The following SWAP70 variants were observed in gnomAD, a reference collection of about 807,000 sequenced individuals.
SWAP70 encodes switching B cell complex subunit SWAP70, also known as switch-associated protein 70.
In SWAP70, 34 loss-of-function variants were observed where a neutral mutation model predicts 80.2. That is an observed-to-expected ratio of 0.42 (90% CI 0.32 to 0.56). The LOEUF is 0.56. SWAP70 is among the 20% of genes least tolerant of loss of function. The pLI, the probability that SWAP70 is intolerant of heterozygous loss-of-function variation, is 0.09. For synonymous variants in SWAP70, 239 were observed against 238.5 expected (o/e 1.00, Z -0.02); for missense variants, 578 against 690.7 (o/e 0.84, Z 1.83).
intron 9 of SWAP70, among the ~76,000 whole-genome samples, chr11:9,742,189 C>A (rs2133817236): frequency 1.3e-5 from 2 of 152,196 alleles, no homozygotes; most frequent in Admixed American, 1.3e-4. Flanking sequence ...CTTCTACATA[C>A]AGCTCTGATC....
intron 2 of SWAP70, among the ~76,000 whole-genome samples, chr11:9,700,682 A>G (rs934330131): frequency 6.6e-6 from 1 of 152,202 alleles, no homozygotes; most frequent in Non-Finnish European, 1.5e-5. Flanking sequence ...TGTTTCTTTA[A>G]CTGTACTATT....
intron 1 of SWAP70, among the ~76,000 whole-genome samples, chr11:9,667,714 C>T (rs1850326275): frequency 6.6e-6 from 1 of 151,438 alleles, no homozygotes; most frequent in East Asian, 1.9e-4. Context: ...AGGCACAGGC[C>T]ACTATGCCCA....
chr11:9,723,701 GGT>G (rs1216221115), intron 3 of SWAP70, among the ~76,000 whole-genome samples: 1 of 151,844 alleles, frequency 6.6e-6, no homozygotes, highest in Non-Finnish European at 1.5e-5. Context: ...GAAAATAAGA[GGT>G]ATCAATTCTC....
chr11:9,681,005 G>T, intron 1 of SWAP70: 1 of 159,152 alleles, frequency 6.3e-6, no homozygotes. Context: ...TGGCTAGGTG[G>T]TTGTCCCCTT....
chr11:9,684,171 T>G (rs1275266846), intron 1 of SWAP70, among the ~76,000 whole-genome samples: 1 of 152,122 alleles, frequency 6.6e-6, no homozygotes, highest in Non-Finnish European at 1.5e-5. Flanking sequence ...AACCTTGAAC[T>G]CCTAGGCTCA....
chr11:9,713,782 A>G, intron 3 of SWAP70, 143 bp downstream of exon 3: 5 of 955,662 alleles, frequency 5.2e-6, no homozygotes, highest in Non-Finnish European at 7.8e-6. Flanking sequence ...CAGCCTGAGT[A>G]TAGAAAAGCT....
intron 4 of SWAP70, among the ~76,000 whole-genome samples, chr11:9,725,615 A>ATT (rs1339772802): frequency 7.4e-6 from 1 of 134,394 alleles, no homozygotes; most frequent in Non-Finnish European, 1.5e-5. Flanking sequence ...CGCTGTCACC[A>ATT]GGCTGGAGTG....
At chr11:9,685,302 C>T (rs1394808724) in intron 1 of SWAP70, among the ~76,000 whole-genome samples, 4 of 152,052 alleles carry the variant, frequency 2.6e-5, no homozygotes, top group African/African-American at 9.7e-5. Context: ...TTTTCATTTT[C>T]TAATTTTACT....
In SWAP70 at chr11:9,664,097, G is replaced by A. The variant is rs1455980516; in HGVS notation, c.-83G>A. 3.7e-5 allele frequency: 50 copies of A among 1,346,130 alleles called. No homozygotes were observed. In the South Asian group the frequency reaches 6.5e-4, roughly 17 times the overall value. 83.4% of individuals were successfully genotyped at this position (1,346,130 alleles called of 1,614,324 possible). On this transcript the variant is annotated 5_prime_UTR_variant, in exon 1 of 12. In the 5' UTR this introduces an upstream ATG that the reference lacks. Coordinates refer to ENST00000318950, the MANE Select transcript of SWAP70 (RefSeq NM_015055.4). ...GGGTCAGGTGACTGCGCGGCGGGCT[G>A]TGGCTGCGGAGGTTGAGGGGCGTCC...
At chr11:9,696,891 A>G (rs183190071) in intron 2 of SWAP70, among the ~76,000 whole-genome samples, 2 of 152,232 alleles carry the variant, frequency 1.3e-5, no homozygotes, top group Non-Finnish European at 2.9e-5. Flanking sequence ...TCAAAAAATG[A>G]TAATGATAAT....
chr11:9,679,271 T>G (rs1341792329), intron 1 of SWAP70, among the ~76,000 whole-genome samples: 1 of 152,218 alleles, frequency 6.6e-6, no homozygotes, highest in Non-Finnish European at 1.5e-5. Context: ...GTGGGCATGG[T>G]GTATCAGCCA....
In SWAP70 at chr11:9,728,053, G is replaced by T; in HGVS notation, c.643G>T (p.Gly215Cys). 1 of 1,601,082 alleles carries T rather than the reference G, an allele frequency of 6.2e-7. No homozygotes were observed. Among genetic ancestry groups the T allele is most frequent in the Non-Finnish European group, 8.5e-7 (1 of 1,175,158 alleles). The change falls in exon 5 of 12, where the codon GGT becomes TGT. Residue 215 changes from glycine to cysteine, a missense_variant and splice_region_variant. Physicochemically the swap from Gly to Cys is radical, Grantham distance 159. Coordinates refer to ENST00000318950, the MANE Select transcript of SWAP70 (RefSeq NM_015055.4). ...NELILDVLKQGYMMKKGHRRK... is the reference protein window; with the variant it reads ...NELILDVLKQCYMMKKGHRRK... ...TTATATCACATTTAATCTTTCACAG[G>T]GTTACATGATGAAAAAGGGCCACAG...
chr11:9,698,664 T>C (rs2572949), intron 2 of SWAP70, among the ~76,000 whole-genome samples: 19,823 of 152,222 alleles, frequency 0.13, 2,757 homozygotes, highest in African/African-American at 0.35. Flanking sequence ...CTCAGCATCC[T>C]AAAGTGTTGG....
chr11:9,683,785 G>A (rs1850597320), intron 1 of SWAP70, among the ~76,000 whole-genome samples: 1 of 152,208 alleles, frequency 6.6e-6, no homozygotes, highest in Admixed American at 6.5e-5. Context: ...GTAGCTGGAG[G>A]CTATCAGCTT....
chr11:9,694,154 C>A lies in SWAP70; in HGVS notation c.108C>A (p.Ser36=), dbSNP rs758450290. The change falls in exon 2 of 12, where the codon TCC becomes TCA. Residue 36 remains serine (S), a synonymous_variant. Transcript: ENST00000318950. ...TTTCTTTTCCCTTGCAGGTCCTTTC[C>A]CATAACCTGTGCACGGTGCTGAAGG... ...KVSKSQLKVL[S]HNLCTVLKVP... The A allele has an allele frequency of 2.4e-5, 39 of 1,601,096 alleles. No homozygotes were observed. The highest frequency in any genetic ancestry group is 3.0e-5 in the Non-Finnish European group (35 of 1,174,794).
intron 2 of SWAP70, among the ~76,000 whole-genome samples, chr11:9,695,984 C>T (rs188654216): frequency 7.9e-5 from 12 of 151,748 alleles, no homozygotes; most frequent in African/African-American, 2.4e-4. Flanking sequence ...TTTGTAGAGA[C>T]GGGGCTTTGC....
rs577372757 is a variant in SWAP70, at chr11:9,749,395, C to T, written c.1651+212C>T. ...CCAAGTAGCTGGGACTACAGGTGCCCGCCACCACGACCGGCTAATTTTTTG... is the reference window on the plus strand; with the variant it reads ...CCAAGTAGCTGGGACTACAGGTGCCTGCCACCACGACCGGCTAATTTTTTG... On this transcript the variant is annotated intron_variant, in intron 11 of 11. Transcript: ENST00000318950. Among the ~76,000 whole-genome samples, 15 of 152,134 alleles carry T rather than the reference C, an allele frequency of 9.9e-5. No individual in the cohort carries two copies. In the East Asian group the frequency reaches 1.2e-3, roughly 12 times the overall value.
intron 1 of SWAP70, among the ~76,000 whole-genome samples, chr11:9,686,085 A>AT (rs1319058747): frequency 6.6e-6 from 1 of 151,784 alleles, no homozygotes; most frequent in Non-Finnish European, 1.5e-5. Flanking sequence ...TAAAAGCTTC[A>AT]TTTTCTGATT....
At chr11:9,682,741 A>G (rs1368826089) in intron 1 of SWAP70, among the ~76,000 whole-genome samples, 2 of 152,184 alleles carry the variant, frequency 1.3e-5, no homozygotes, top group Non-Finnish European at 1.5e-5. Flanking sequence ...CAGTGACACA[A>G]TCTGTGCGCA....
Sources: allele counts gnomAD v4.1 joint callset (sites outside exome capture counted in the v4.1 genomes callset), GRCh38; gene constraint gnomAD v4.1.1; transcripts MANE v1.5; gene names NCBI Gene and HGNC (gene_info 2026-07-23, HGNC 2026-07-21).